The following MAN1B1 variants were observed in gnomAD, a reference collection of about 807,000 sequenced individuals.
MAN1B1 encodes mannosidase alpha class 1B member 1.
MAN1B1 carries 66 observed loss-of-function variants against 75.5 expected under a neutral mutation model. That is an observed-to-expected ratio of 0.87 (90% CI 0.72 to 1.07). MAN1B1 has a LOEUF of 1.07. Ranked by LOEUF, MAN1B1 falls within the 50% of genes least tolerant of loss-of-function variation. The probability of loss-of-function intolerance (pLI) is 0.00; values close to 1 mark genes in which losing one functional copy is unlikely to be tolerated. For missense variants in MAN1B1, 973 were observed against 912.5 expected (o/e 1.07, Z -0.85); for synonymous variants, 453 against 382.8 (o/e 1.18, Z -2.14).
intron 3 of MAN1B1, 48 bp from the exon 4 acceptor site, chr9:137,096,189 C>A: frequency 6.2e-7 from 1 of 1,608,242 alleles, no homozygotes; most frequent in Non-Finnish European, 8.5e-7. Flanking sequence ...GAAAGAAGGG[C>A]AGCTCGCAGA....
At chr9:137,107,165 CTGGGCTCCCACG>C in intron 10 of MAN1B1, 73 bp from the exon 11 acceptor site, 1 of 1,448,000 alleles carries the variant, frequency 6.9e-7, no homozygotes, top group Non-Finnish European at 9.5e-7. Flanking sequence ...CGAGGCAGCG[CTGGGCTCCCACG>C]TTGGCTGCCC....
chr9:137,088,931 G>A lies in MAN1B1; in HGVS notation c.391G>A (p.Ala131Thr). 1 of 1,613,990 alleles carries A rather than the reference G, an allele frequency of 6.2e-7. No homozygotes were observed. Residue 131 changes from alanine to threonine, a missense_variant, in exon 3 of 13, where the codon GCA (alanine) becomes ACA (threonine). By Grantham distance (58) the Ala-to-Thr change is moderately conservative (BLOSUM62 0). Transcript: ENST00000371589. ...GCCAGAAATTGCTGGGTTAAAACCA[G>A]CAAATCCACCCGTCTTACCAGCTCC... ...MRPEIAGLKP[A>T]NPPVLPAPQK... is the part of the protein sequence containing the mutation.
intron 8 of MAN1B1, chr9:137,104,466 C>T (rs1026175526): frequency 7.8e-6 from 2 of 255,916 alleles, no homozygotes; most frequent in East Asian, 9.2e-5. Context: ...AACTCCTGAC[C>T]TCGTGATCCA....
At chr9:137,093,602 G>A (rs988610390) in intron 3 of MAN1B1, among the ~76,000 whole-genome samples, 6 of 152,028 alleles carry the variant, frequency 3.9e-5, no homozygotes, top group African/African-American at 1.2e-4. Flanking sequence ...AGGCTGAAGC[G>A]GGTGGATCAC....
In MAN1B1 at chr9:137,107,852, C is replaced by T. The variant is rs923738992; in HGVS notation, c.1896+190C>T. 6 of 747,476 alleles carry T rather than the reference C, an allele frequency of 8.0e-6. No homozygotes were observed. In the African/African-American group the frequency reaches 8.8e-5, roughly 11 times the overall value. The allele number at this position is 747,476 out of a possible 1,614,324, so 46.3% of individuals were successfully genotyped here. On this transcript the variant is annotated intron_variant, in intron 12 of 12. Coordinates refer to ENST00000371589, the MANE Select transcript of MAN1B1 (RefSeq NM_016219.5). Reference sequence around the variant, plus strand: ...TGGCATCCCCATCCCCACTGAGCTTCATGGTTGTGGGACCCAGAGTACTTG... The same window carrying T: ...TGGCATCCCCATCCCCACTGAGCTTTATGGTTGTGGGACCCAGAGTACTTG...
chr9:137,087,298 T>C, intron 1 of MAN1B1, 80 bp downstream of exon 1: 1 of 1,473,866 alleles, frequency 6.8e-7, no homozygotes, highest in South Asian at 1.3e-5. Flanking sequence ...GAGCGGGACC[T>C]GGGCGGGCGG....
intron 8 of MAN1B1, chr9:137,102,865 T>G (rs1830909126): frequency 2.3e-6 from 1 of 426,978 alleles, no homozygotes; most frequent in African/African-American, 2.5e-5. Context: ...TGCAGGTCGG[T>G]GGTGTTACAT....
rs538804415 is a variant in MAN1B1, at chr9:137,087,116, A to ACCGCCG, written c.129_134dup (p.Pro44_Pro45dup). ...TCGCCACCACTGTAGTCATGTACCC[A>ACCGCCG]CCGCCGCCGCCGCCGCCTCATCGGG... On this transcript the variant is annotated inframe_insertion, in exon 1 of 13. Coordinates refer to ENST00000371589, the MANE Select transcript of MAN1B1 (RefSeq NM_016219.5). 3.1e-6 allele frequency: 5 copies of ACCGCCG among 1,587,896 alleles called. No individual in the cohort carries two copies. The highest frequency in any genetic ancestry group is 1.1e-5 in the South Asian group (1 of 87,694).
chr9:137,107,511 G>C lies in MAN1B1; in HGVS notation c.1765-20G>C, dbSNP rs1225685090. The C allele has an allele frequency of 3.7e-6, 6 of 1,612,954 alleles. No individual in the cohort carries two copies. Among genetic ancestry groups the C allele is most frequent in the African/African-American group, 2.7e-5 (2 of 75,054 alleles). Reference sequence around the variant, plus strand: ...GTGCTGGCAGGGCTGGCCTTGCCCTGAGCTCTGCTCCGCCCACAGCCAGCA... The same window carrying C: ...GTGCTGGCAGGGCTGGCCTTGCCCTCAGCTCTGCTCCGCCCACAGCCAGCA... On this transcript the variant is annotated intron_variant, in intron 11 of 12. Transcript: ENST00000371589.
At chr9:137,099,598 C>T in intron 5 of MAN1B1, 98 bp from the exon 6 acceptor site, 2 of 1,336,816 alleles carry the variant, frequency 1.5e-6, no homozygotes, top group East Asian at 2.3e-5. Flanking sequence ...GTCATCTTTG[C>T]CCCATGGGGG....
At chr9:137,093,613 A>G (rs2130997031) in intron 3 of MAN1B1, among the ~76,000 whole-genome samples, 1 of 152,076 alleles carries the variant, frequency 6.6e-6, no homozygotes, top group South Asian at 2.1e-4. Context: ...GGTGGATCAC[A>G]AGGTCAGGAG....
At chr9:137,106,610 C>A in intron 9 of MAN1B1, 79 bp from the exon 10 acceptor site, 1 of 1,603,020 alleles carries the variant, frequency 6.2e-7, no homozygotes, top group Non-Finnish European at 8.5e-7. Context: ...TGTGTGGGCC[C>A]AGGATGTGCC....
Position 137,106,775 on chromosome 9 carries a change from G to A in MAN1B1, c.1532G>A (p.Gly511Glu). Residue 511 changes from glycine to glutamate, a missense_variant, in exon 10 of 13, where the codon GGG becomes GAG. Physicochemically the swap from Gly to Glu is moderately conservative, Grantham distance 98. Coordinates refer to ENST00000371589, the MANE Select transcript of MAN1B1 (RefSeq NM_016219.5). ...GAGCCCAGTAAGCTCACCTTTGTGG[G>A]GGAGCTTGCCCACGGCCGCTTCAGT... ...HSEPSKLTFV[G>E]ELAHGRFSAK... is the part of the protein sequence containing the mutation. 6.2e-7 allele frequency: 1 copy of A among 1,613,458 alleles called. No individual in the cohort carries two copies. Among genetic ancestry groups the A allele is most frequent in the Non-Finnish European group, 8.5e-7 (1 of 1,179,984 alleles).
At position 137,106,767 on chromosome 9, in the gene MAN1B1, C is replaced by G. The variant is rs199545449; in HGVS notation, c.1524C>G (p.Thr508=). The part of the protein sequence containing the change: ...LLRHSEPSKL[T]FVGELAHGRF... ...GGCACTCCGAGCCCAGTAAGCTCAC[C>G]TTTGTGGGGGAGCTTGCCCACGGCC... Residue 508 remains threonine (T), a synonymous_variant, in exon 10 of 13, where the codon ACC becomes ACG. Coordinates refer to ENST00000371589, the MANE Select transcript of MAN1B1 (RefSeq NM_016219.5). 1 of 1,613,394 alleles carries G rather than the reference C, an allele frequency of 6.2e-7. No individual in the cohort carries two copies. Among genetic ancestry groups the G allele is most frequent in the African/African-American group, 1.3e-5 (1 of 74,948 alleles).
Position 137,099,872 on chromosome 9 carries a change from C to T in MAN1B1, c.907C>T (p.Leu303=), listed in dbSNP as rs1234739789. Residue 303 remains leucine (L), a synonymous_variant, in exon 6 of 13, where the codon CTG becomes TTG. Transcript: ENST00000371589. ...DALDTMWILG[L]RKEFEEARKW... ...GCTGGACACCATGTGGATCTTGGGT[C>T]TGAGGAAAGGTACCTGGTGCTTTCT... The T allele has an allele frequency of 6.2e-7, 1 of 1,614,150 alleles. No individual in the cohort carries two copies. Among genetic ancestry groups the T allele is most frequent in the Non-Finnish European group, 8.5e-7 (1 of 1,180,040 alleles).
chr9:137,087,337 AC>A (rs1830399942), intron 1 of MAN1B1, 119 bp downstream of exon 1: 1 of 1,162,152 alleles, frequency 8.6e-7, no homozygotes, highest in Non-Finnish European at 1.2e-6. Flanking sequence ...CGCCCTCTCC[AC>A]CCCTTCCCCG....
chr9:137,093,017 G>A (rs1333156570), intron 3 of MAN1B1, among the ~76,000 whole-genome samples: 1 of 152,112 alleles, frequency 6.6e-6, no homozygotes, highest in Non-Finnish European at 1.5e-5. Flanking sequence ...TGCTTCTTAT[G>A]ACTTCATCCG....
At chr9:137,088,463 C>G (rs1830437999) in intron 2 of MAN1B1, 1 of 1,507,690 alleles carries the variant, frequency 6.6e-7, no homozygotes, top group African/African-American at 1.4e-5. Flanking sequence ...AACACTCAGC[C>G]TAAATAACCA....
intron 3 of MAN1B1, among the ~76,000 whole-genome samples, chr9:137,093,411 A>G (rs538688353): frequency 1.5e-4 from 23 of 152,302 alleles, no homozygotes; most frequent in African/African-American, 4.6e-4. Context: ...CTCCATCACA[A>G]TCACAAGAAA....
Sources: gnomAD v4.1 joint callset for allele counts (sites outside exome capture counted in the v4.1 genomes callset) on GRCh38, gnomAD v4.1.1 for gene constraint, MANE v1.5 for transcripts, NCBI Gene and HGNC (gene_info 2026-07-23, HGNC 2026-07-21) for gene names.